Variants in NEO1 observed in about 807,000 individuals in gnomAD.
NEO1 encodes the protein neogenin 1.
A neutral mutation model predicts 159.7 loss-of-function variants in NEO1; 63 were observed. The observed-to-expected ratio is 0.39, with a 90% confidence interval of 0.32 to 0.49. NEO1 has a LOEUF of 0.49. NEO1 is among the 20% of genes least tolerant of loss of function. The pLI, the probability that NEO1 is intolerant of heterozygous loss-of-function variation, is 0.85. For synonymous variants in NEO1, 633 were observed against 662.0 expected, an observed-to-expected ratio of 0.96 and a Z score of 0.67; for missense variants, 1,615 against 1,831.0, an observed-to-expected ratio of 0.88 and a Z score of 2.15.
chr15:73,181,484 T>C (rs974413708), intron 7 of NEO1, among the ~76,000 whole-genome samples: 1 of 152,112 alleles, frequency 6.6e-6, no homozygotes. Context: ...TTTAGTTGGC[T>C]CCCAGTTCCA....
At chr15:73,054,986 G>A (rs1183889192) in intron 1 of NEO1, among the ~76,000 whole-genome samples, 1 of 152,114 alleles carries the variant, frequency 6.6e-6, no homozygotes, top group Non-Finnish European at 1.5e-5. Context: ...AGTAGAAGGT[G>A]GAGAAAAATA....
intron 5 of NEO1, among the ~76,000 whole-genome samples, chr15:73,149,518 A>G (rs1288771287): frequency 6.6e-6 from 1 of 152,210 alleles, no homozygotes; most frequent in African/African-American, 2.4e-5. Flanking sequence ...CTGTCCCAGG[A>G]TGATAAAAAC....
chr15:73,202,749 T>C (rs112408876), intron 7 of NEO1, among the ~76,000 whole-genome samples: 1,572 of 152,302 alleles, frequency 0.01, 13 homozygotes, highest in Non-Finnish European at 0.017. Context: ...TCAAGAACTC[T>C]TCATCTTGCA....
intron 8 of NEO1, among the ~76,000 whole-genome samples, chr15:73,238,684 A>G (rs1328603629): frequency 3.3e-5 from 5 of 152,120 alleles, no homozygotes; most frequent in Non-Finnish European, 2.9e-5. Flanking sequence ...GGAAAGAGTA[A>G]CAAAGTTACA....
At chr15:73,062,568 T>C (rs1278695578) in intron 1 of NEO1, among the ~76,000 whole-genome samples, 2 of 152,234 alleles carry the variant, frequency 1.3e-5, no homozygotes, top group Non-Finnish European at 2.9e-5. Context: ...TGTTCTGTTT[T>C]GAGGAAAGAA....
At chr15:73,066,914 C>G (rs969985821) in intron 1 of NEO1, among the ~76,000 whole-genome samples, 2 of 152,186 alleles carry the variant, frequency 1.3e-5, no homozygotes, top group Admixed American at 1.3e-4. Context: ...CTTTTTGCAT[C>G]TTGGTTCCTC....
intron 5 of NEO1, among the ~76,000 whole-genome samples, chr15:73,152,800 G>A (rs2033479319): frequency 6.6e-6 from 1 of 152,090 alleles, no homozygotes; most frequent in Non-Finnish European, 1.5e-5. Flanking sequence ...GTGTGGGGGG[G>A]AAACTCCCAC....
chr15:73,263,273 A>G (rs1453848439), intron 15 of NEO1, among the ~76,000 whole-genome samples: 1 of 148,408 alleles, frequency 6.7e-6, no homozygotes, highest in Non-Finnish European at 1.5e-5. Flanking sequence ...AGCTCACTGC[A>G]ACCTCCACCT....
chr15:73,263,250 G>A (rs1409850461), intron 15 of NEO1, among the ~76,000 whole-genome samples: 2 of 147,802 alleles, frequency 1.4e-5, no homozygotes, highest in Non-Finnish European at 3.0e-5. Context: ...CTGGAGGGCA[G>A]TGGCGCGATC....
At chr15:73,261,264 A>G (rs1048040150) in intron 15 of NEO1, among the ~76,000 whole-genome samples, 15 of 152,144 alleles carry the variant, frequency 9.9e-5, no homozygotes, top group Non-Finnish European at 7.4e-5. Flanking sequence ...TTGGAAACCA[A>G]TATCTGGGCA....
chr15:73,099,917 C>T (rs1321217984), intron 1 of NEO1, among the ~76,000 whole-genome samples: 1 of 152,106 alleles, frequency 6.6e-6, no homozygotes, highest in East Asian at 1.9e-4. Context: ...AGATGTGAGC[C>T]ACGGAATTAT....
chr15:73,172,064 A>G lies in NEO1; in HGVS notation c.1016-4339A>G, dbSNP rs1284381919. Among the ~76,000 whole-genome samples, 3 of 152,184 alleles carry G rather than the reference A, an allele frequency of 2.0e-5. No individual in the cohort carries two copies. The East Asian group carries it at 5.8e-4, about 29-fold the overall frequency. On this transcript the variant is annotated intron_variant, in intron 5 of 28. Transcript: ENST00000261908. ...GTGTAATACGTGGAGTTTGCTTTCA[A>G]AATAATATGTGTGTAGGGTAGAGGC...
chr15:73,298,083 A>G (rs756238035), intron 26 of NEO1, among the ~76,000 whole-genome samples: 5 of 152,246 alleles, frequency 3.3e-5, no homozygotes, highest in Non-Finnish European at 7.3e-5. Context: ...AGTGCTTCAT[A>G]ATAAATAATG....
intron 1 of NEO1, among the ~76,000 whole-genome samples, chr15:73,066,251 C>T (rs578177942): frequency 8.6e-5 from 10 of 116,278 alleles, no homozygotes; most frequent in Non-Finnish European, 1.5e-4. Context: ...GGTCTCCTGA[C>T]CTCGTGATCC....
At chr15:73,088,924 T>G (rs910004601) in intron 1 of NEO1, among the ~76,000 whole-genome samples, 2 of 151,836 alleles carry the variant, frequency 1.3e-5, no homozygotes, top group African/African-American at 2.4e-5. Context: ...TCAGAAAGAG[T>G]AAGGAAGGAA....
chr15:73,302,112 A>C (rs1378779132), intron 28 of NEO1, among the ~76,000 whole-genome samples: 1 of 152,158 alleles, frequency 6.6e-6, no homozygotes. Flanking sequence ...ACATTCCCTC[A>C]GTTCTACTCT....
chr15:73,072,514 C>G (rs1048024408), intron 1 of NEO1, among the ~76,000 whole-genome samples: 1 of 152,080 alleles, frequency 6.6e-6, no homozygotes, highest in Non-Finnish European at 1.5e-5. Context: ...ATGTTGCATG[C>G]TCTATGTTGG....
intron 22 of NEO1, 130 bp downstream of exon 22, chr15:73,278,329 G>C (rs1372136257): frequency 7.1e-6 from 5 of 706,484 alleles, no homozygotes; most frequent in Non-Finnish European, 1.2e-5. Context: ...TTTATTGCTA[G>C]ATTTAAGTGT....
At chr15:73,212,764 A>C (rs527400967) in intron 7 of NEO1, among the ~76,000 whole-genome samples, 1 of 152,290 alleles carries the variant, frequency 6.6e-6, no homozygotes, top group South Asian at 2.1e-4. Context: ...CCCAAAAAAA[A>C]AGGAAAAACA....
Sources: allele counts gnomAD v4.1 joint callset (sites outside exome capture counted in the v4.1 genomes callset), GRCh38; gene constraint gnomAD v4.1.1; transcripts MANE v1.5; gene names NCBI Gene and HGNC (gene_info 2026-07-23, HGNC 2026-07-21).